The following ANO3 variants were observed in gnomAD, a reference collection of about 807,000 sequenced individuals.
ANO3 encodes anoctamin 3, also known as anoctamin-3.
ANO3 carries 99 observed loss-of-function variants against 144.8 expected under a neutral mutation model. That is an observed-to-expected ratio of 0.68 (90% CI 0.58 to 0.81). ANO3 has a LOEUF of 0.81. ANO3 is among the 30% of genes least tolerant of loss of function. The pLI, the probability that ANO3 is intolerant of heterozygous loss-of-function variation, is 0.00. For synonymous variants in ANO3, 414 were observed against 392.6 expected (o/e 1.05, Z -0.64); for missense variants, 905 against 1,202.2 (o/e 0.75, Z 3.66).
chr11:26,521,041 T>TTAAC (rs10680934), intron 6 of ANO3, among the ~76,000 whole-genome samples: 150,222 of 152,014 alleles, frequency 0.99, 74,254 homozygotes, highest in Middle Eastern at 1. Context: ...GGATGTAACA[T>TTAAC]TAACTCCTTA....
At chr11:26,388,079 T>C (rs921917142) in intron 1 of ANO3, among the ~76,000 whole-genome samples, 2 of 150,224 alleles carry the variant, frequency 1.3e-5, no homozygotes, top group Non-Finnish European at 3.0e-5. Context: ...AATTTTTATA[T>C]TTTAAAAATT....
At chr11:26,349,136 T>C (rs1002720679) in intron 1 of ANO3, among the ~76,000 whole-genome samples, 1 of 152,218 alleles carries the variant, frequency 6.6e-6, no homozygotes, top group African/African-American at 2.4e-5. Context: ...CTGATTGACT[T>C]ACACACTAGT....
At chr11:26,538,860 A>G (rs1321655534) in intron 10 of ANO3, among the ~76,000 whole-genome samples, 1 of 152,126 alleles carries the variant, frequency 6.6e-6, no homozygotes. Context: ...TTTTCTGTTG[A>G]TTTTAAATGC....
chr11:26,542,156 T>G, intron 11 of ANO3, 88 bp downstream of exon 11: 1 of 1,431,050 alleles, frequency 7.0e-7, no homozygotes, highest in African/African-American at 1.4e-5. Flanking sequence ...TGCTCACCAG[T>G]GAGGATGCAG....
chr11:26,365,067 C>A (rs1856029841), intron 1 of ANO3, among the ~76,000 whole-genome samples: 1 of 152,196 alleles, frequency 6.6e-6, no homozygotes, highest in South Asian at 2.1e-4. Flanking sequence ...GGTAAACATA[C>A]CCATTCCAAA....
chr11:26,645,748 A>G (rs914133320), intron 23 of ANO3, among the ~76,000 whole-genome samples: 2 of 152,138 alleles, frequency 1.3e-5, no homozygotes, highest in Non-Finnish European at 2.9e-5. Flanking sequence ...TAGCTAATGC[A>G]TGCTGGGTTT....
At chr11:26,634,345 C>G in intron 19 of ANO3, 30 bp downstream of exon 19, 1 of 1,405,596 alleles carries the variant, frequency 7.1e-7, no homozygotes, top group Non-Finnish European at 1.0e-6. Flanking sequence ...ATTATCTTCG[C>G]AGAGTGAAAA....
intron 14 of ANO3, chr11:26,572,200 G>A (rs1850855845): frequency 2.0e-6 from 2 of 985,492 alleles, no homozygotes; most frequent in Non-Finnish European, 2.4e-6. Flanking sequence ...GGGGCTGGCT[G>A]TATCTTGCTT....
chr11:26,257,590 AATAAAAGTACTTTAAAATTTTAAAGTACC>A (rs1343075471), intron 1 of ANO3, among the ~76,000 whole-genome samples: 3 of 152,152 alleles, frequency 2.0e-5, no homozygotes. Context: ...TTATGAAATC[AATAAAAGTACTTTAAAATTTTAAAGTACC>A]ATAAAATGCA....
intron 4 of ANO3, among the ~76,000 whole-genome samples, chr11:26,506,697 A>C (rs961605478): frequency 6.6e-6 from 1 of 152,118 alleles, no homozygotes; most frequent in Non-Finnish European, 1.5e-5. Context: ...TACTACTATA[A>C]ATTTATGCAC....
chr11:26,438,602 A>AAG (rs1858383154), intron 1 of ANO3, among the ~76,000 whole-genome samples: 1 of 126,440 alleles, frequency 7.9e-6, no homozygotes, highest in Non-Finnish European at 1.8e-5. Context: ...CAAAAAAAAA[A>AAG]AAAAAAGAAA....
chr11:26,408,356 CA>C (rs1413558539), intron 1 of ANO3, among the ~76,000 whole-genome samples: 9 of 151,536 alleles, frequency 5.9e-5, no homozygotes, highest in African/African-American at 2.2e-4. Context: ...TTTATGCAGC[CA>C]AAAAACACAT....
At chr11:26,406,971 CG>C (rs1355222616) in intron 1 of ANO3, among the ~76,000 whole-genome samples, 10 of 138,310 alleles carry the variant, frequency 7.2e-5, no homozygotes, top group Non-Finnish European at 1.1e-4. Context: ...TATACACACA[CG>C]TATATATATA....
chr11:26,231,938 A>C (rs1339108610), intron 1 of ANO3, among the ~76,000 whole-genome samples: 1 of 152,236 alleles, frequency 6.6e-6, no homozygotes, highest in Non-Finnish European at 1.5e-5. Context: ...CTGGTTTTTC[A>C]TAAAACACCT....
intron 13 of ANO3, among the ~76,000 whole-genome samples, chr11:26,558,774 T>C (rs1850167763): frequency 6.6e-6 from 1 of 152,190 alleles, no homozygotes; most frequent in African/African-American, 2.4e-5. Flanking sequence ...TACTGTTGTT[T>C]TAATGCTCCC....
chr11:26,614,001 C>T (rs1332296978), intron 17 of ANO3, among the ~76,000 whole-genome samples: 5 of 152,200 alleles, frequency 3.3e-5, no homozygotes, highest in Non-Finnish European at 2.9e-5. Flanking sequence ...TCTGAAGGGA[C>T]AGGGTCACCA....
chr11:26,364,981 A>T (rs1856026246), intron 1 of ANO3, among the ~76,000 whole-genome samples: 1 of 152,214 alleles, frequency 6.6e-6, no homozygotes, highest in Non-Finnish European at 1.5e-5. Flanking sequence ...CCTGGAAATT[A>T]CTTAATTTCA....
intron 1 of ANO3, among the ~76,000 whole-genome samples, chr11:26,430,843 T>A (rs936390449): frequency 1.3e-5 from 2 of 152,198 alleles, no homozygotes; most frequent in South Asian, 4.1e-4. Flanking sequence ...TTGACTCCAG[T>A]GGCATTACAA....
At chr11:26,643,068 T>C in intron 22 of ANO3, 114 bp from the exon 23 acceptor site, 1 of 901,506 alleles carries the variant, frequency 1.1e-6, no homozygotes, top group Non-Finnish European at 1.7e-6. Context: ...TAAAATGAGA[T>C]AAAGCTATCT....
Sources: allele counts gnomAD v4.1 joint callset (sites outside exome capture counted in the v4.1 genomes callset), GRCh38; gene constraint gnomAD v4.1.1; transcripts MANE v1.5; gene names NCBI Gene and HGNC (gene_info 2026-07-23, HGNC 2026-07-21).